The following CRMP1 variants were observed in gnomAD, a reference collection of about 807,000 sequenced individuals.
CRMP1 encodes the protein dihydropyrimidinase-related protein 1.
CRMP1 carries 19 observed loss-of-function variants against 68.3 expected under a neutral mutation model. The ratio of observed to expected loss-of-function variants is 0.28; its 90% CI spans 0.19 to 0.41. The LOEUF is 0.41. CRMP1 is among the 10% of genes least tolerant of loss of function. CRMP1 has a pLI of 1.00. For missense variants in CRMP1, 791 were observed against 967.4 expected, an observed-to-expected ratio of 0.82 and a Z score of 2.42; for synonymous variants, 439 against 399.6, an observed-to-expected ratio of 1.10 and a Z score of -1.18.
In CRMP1 at chr4:5,861,325, C is replaced by A; in HGVS notation, c.471-115G>T. ...TTTCTGAGCCAGGCCCTTCACAAGG[C>A]CCTGGGGAGACAGAGATAACTCAGG... is the stretch of plus-strand genomic sequence containing the variant. On this transcript the variant is annotated intron_variant, in intron 2 of 13. Transcript: ENST00000324989. The surrounding 1 kb of genome is among the most constrained non-coding windows in gnomAD (Gnocchi z 6.0). 2 of 1,039,680 alleles carry A rather than the reference C, an allele frequency of 1.9e-6. No individual in the cohort carries two copies. Among genetic ancestry groups the A allele is most frequent in the Non-Finnish European group, 2.8e-6 (2 of 710,780 alleles). 64.4% of individuals were successfully genotyped at this position (1,039,680 alleles called of 1,614,324 possible).
At chr4:5,845,595 C>T (rs13144083) in intron 6 of CRMP1, among the ~76,000 whole-genome samples, 55,578 of 152,106 alleles carry the variant, frequency 0.37, 11,741 homozygotes, top group East Asian at 0.7. Flanking sequence ...AGACCCTCAG[C>T]CAGAAATAGC....
At chr4:5,846,025 G>C (rs1712170205) in intron 6 of CRMP1, among the ~76,000 whole-genome samples, 1 of 152,180 alleles carries the variant, frequency 6.6e-6, no homozygotes, top group Admixed American at 6.5e-5. Context: ...GCTGGGCATG[G>C]TGGCTCACAC....
At chr4:5,851,589 G>A (rs1253852794) in intron 4 of CRMP1, 120 bp from the exon 5 acceptor site, 1 of 977,406 alleles carries the variant, frequency 1.0e-6, no homozygotes, top group Non-Finnish European at 1.6e-6. Context: ...GTGCCATTGG[G>A]ATCCCCAGTG....
At position 5,877,406 on chromosome 4, in the gene CRMP1, C is replaced by T. The variant is rs970552985; in HGVS notation, c.382-10650G>A. 2.0e-5 allele frequency among the ~76,000 whole-genome samples: 3 copies of T among 152,196 alleles called. No homozygotes were observed. Among genetic ancestry groups the T allele is most frequent in the Non-Finnish European group, 2.9e-5 (2 of 68,040 alleles). On this transcript the variant is annotated intron_variant, in intron 1 of 13. Transcript: ENST00000324989. The surrounding 1 kb of genome is among the most constrained non-coding windows in gnomAD (Gnocchi z 4.3). ...TCAAACTTCCATGACTTGGTCCCTA[C>T]CTTGAATAACCAGAGCCTTCCCCTT...
intron 6 of CRMP1, among the ~76,000 whole-genome samples, chr4:5,848,549 C>A (rs1347695692): frequency 1.3e-5 from 2 of 152,214 alleles, no homozygotes; most frequent in Admixed American, 1.3e-4. Flanking sequence ...AAAATATGTT[C>A]ATGTCTCATT....
At position 5,841,708 on chromosome 4, in the gene CRMP1, G is replaced by A. The variant is rs544034060; in HGVS notation, c.1033-280C>T. On this transcript the variant is annotated intron_variant, in intron 7 of 13. Coordinates refer to ENST00000324989, the MANE Select transcript of CRMP1 (RefSeq NM_001014809.3). The surrounding 1 kb of genome is among the most constrained non-coding windows in gnomAD (Gnocchi z 6.9). Reference sequence around the variant, plus strand: ...ACCATGGGCCAGGAACATACAGCTCGTGGCCATCCCTGGGCTGTGGAGCTC... The same window carrying A: ...ACCATGGGCCAGGAACATACAGCTCATGGCCATCCCTGGGCTGTGGAGCTC... Among the ~76,000 whole-genome samples the A allele has an allele frequency of 1.1e-4, 17 of 152,230 alleles. No individual in the cohort carries two copies. The highest frequency in any genetic ancestry group is 3.9e-4 in the Admixed American group (6 of 15,294).
Position 5,825,862 on chromosome 4 carries a change from TACAC to T in CRMP1, c.1804-207_1804-204del, listed in dbSNP as rs767943618. ...AGGCATTCATACACACAAGCATGCA[TACAC>T]ACACATCTACATACCCACATGCATA... On this transcript the variant is annotated intron_variant, in intron 12 of 13. Transcript: ENST00000324989. This position sits in a 1 kb window ranked among gnomAD's most constrained non-coding sequence, Gnocchi z 4.4. 7.2e-6 allele frequency: 4 copies of T among 552,748 alleles called. No individual in the cohort carries two copies. The highest frequency in any genetic ancestry group is 3.1e-5 in the East Asian group (1 of 31,782). 34.2% of individuals were successfully genotyped at this position (552,748 alleles called of 1,614,324 possible).
chr4:5,892,927 G>C lies in CRMP1; in HGVS notation c.43C>G (p.Pro15Ala). The C allele has an allele frequency of 7.6e-7, 1 of 1,308,466 alleles. No individual in the cohort carries two copies. Among genetic ancestry groups the C allele is most frequent in the Non-Finnish European group, 9.8e-7 (1 of 1,023,804 alleles). 81.1% of individuals were successfully genotyped at this position (1,308,466 alleles called of 1,614,324 possible). A position where few individuals can be genotyped will look rare whatever the true frequency, so the allele number is the denominator to read the frequency against. ...CTGCCCGGCCGCGCCAGGTACACGG[G>C]CAGGTCGTCCTCGGTGTTCCACGCG... Reference protein sequence around the residue: ...RRAWNTEDDLPVYLARPGSAA... With the variant: ...RRAWNTEDDLAVYLARPGSAA... The change falls in exon 1 of 14, where the codon CCC becomes GCC. Residue 15 changes from proline to alanine, a missense_variant. By Grantham distance (27) the Pro-to-Ala change is conservative. Around this residue, in one of 3 missense-constraint regions of CRMP1, gnomAD observed 193 missense variants for 186.3 expected, o/e 1.04. Coordinates refer to ENST00000324989, the MANE Select transcript of CRMP1 (RefSeq NM_001014809.3). This position sits in a 1 kb window ranked among gnomAD's most constrained non-coding sequence, Gnocchi z 8.6.
At chr4:5,886,434 G>A (rs1368574763) in intron 1 of CRMP1, among the ~76,000 whole-genome samples, 3 of 152,222 alleles carry the variant, frequency 2.0e-5, no homozygotes, top group African/African-American at 7.2e-5. Context: ...AGAGCACTGA[G>A]GTTCAGAGAG....
chr4:5,842,282 C>T lies in CRMP1; in HGVS notation c.1032+811G>A, dbSNP rs1185067527. On this transcript the variant is annotated intron_variant, in intron 7 of 13. Transcript: ENST00000324989. This position sits in a 1 kb window ranked among gnomAD's most constrained non-coding sequence, Gnocchi z 4.5. ...AAACAAAAAACACAAATTAGCCAGG[C>T]GTGGTGGCACAGGCCTGTGCCTAGT... is the stretch of plus-strand genomic sequence containing the variant. Among the ~76,000 whole-genome samples the T allele has an allele frequency of 1.3e-5, 2 of 150,982 alleles. No individual in the cohort carries two copies. Among genetic ancestry groups the T allele is most frequent in the Admixed American group, 1.3e-4 (2 of 15,202 alleles).
Position 5,889,825 on chromosome 4 carries a change from G to A in CRMP1, c.381+2764C>T. 6.7e-7 allele frequency: 1 copy of A among 1,489,890 alleles called. No homozygotes were observed. Among genetic ancestry groups the A allele is most frequent in the Non-Finnish European group, 8.9e-7 (1 of 1,121,970 alleles). The allele number at this position is 1,489,890 out of a possible 1,614,324, so 92.3% of individuals were successfully genotyped here. On this transcript the variant is annotated intron_variant, in intron 1 of 13. Coordinates refer to ENST00000324989, the MANE Select transcript of CRMP1 (RefSeq NM_001014809.3). This position sits in a 1 kb window ranked among gnomAD's most constrained non-coding sequence, Gnocchi z 4.5. ...GGGGCCAGTCCCCTAATCCAGGGCA[G>A]GAGGCCAGAGACACCTGGGCCTTAA...
intron 1 of CRMP1, among the ~76,000 whole-genome samples, chr4:5,885,752 G>A (rs1392643907): frequency 6.6e-6 from 1 of 152,166 alleles, no homozygotes; most frequent in Non-Finnish European, 1.5e-5. Flanking sequence ...GTCAGCCTTG[G>A]CTAAGCTCTA....
In CRMP1 at chr4:5,825,281, A is replaced by G; in HGVS notation, c.1969+213T>C. 5.1e-6 allele frequency: 5 copies of G among 985,278 alleles called. No individual in the cohort carries two copies. The highest frequency in any genetic ancestry group is 6.0e-6 in the Non-Finnish European group (5 of 829,918). The allele number at this position is 985,278 out of a possible 1,614,324, so 61.0% of individuals were successfully genotyped here. A position where few individuals can be genotyped will look rare whatever the true frequency, so the allele number is the denominator to read the frequency against. On this transcript the variant is annotated intron_variant, in intron 13 of 13. Coordinates refer to ENST00000324989, the MANE Select transcript of CRMP1 (RefSeq NM_001014809.3). This position sits in a 1 kb window ranked among gnomAD's most constrained non-coding sequence, Gnocchi z 4.4. ...TTGTAAACCCACATCAGGTACCACC[A>G]TGTTGCCCCCCTAACATGGACCCCC...
Position 5,861,329 on chromosome 4 carries a change from G to A in CRMP1, c.471-119C>T. On this transcript the variant is annotated intron_variant, in intron 2 of 13. Transcript: ENST00000324989. The surrounding 1 kb of genome is among the most constrained non-coding windows in gnomAD (Gnocchi z 6.0). Reference sequence around the variant, plus strand: ...TGAGCCAGGCCCTTCACAAGGCCCTGGGGAGACAGAGATAACTCAGGCAGG... The same window carrying A: ...TGAGCCAGGCCCTTCACAAGGCCCTAGGGAGACAGAGATAACTCAGGCAGG... 9.9e-7 allele frequency: 1 copy of A among 1,013,240 alleles called. No individual in the cohort carries two copies. The highest frequency in any genetic ancestry group is 2.2e-4 in the Middle Eastern group (1 of 4,636). 62.8% of individuals were successfully genotyped at this position (1,013,240 alleles called of 1,614,324 possible).
At chr4:5,880,512 T>A (rs774953887) in intron 1 of CRMP1, among the ~76,000 whole-genome samples, 1 of 152,172 alleles carries the variant, frequency 6.6e-6, no homozygotes, top group Non-Finnish European at 1.5e-5. Flanking sequence ...TGACTCCAAG[T>A]TCCAACACCA....
Position 5,890,006 on chromosome 4 carries a change from G to A in CRMP1, c.381+2583C>T. 1.1e-6 allele frequency: 1 copy of A among 950,682 alleles called. No homozygotes were observed. The highest frequency in any genetic ancestry group is 2.5e-5 in the South Asian group (1 of 39,240). 58.9% of individuals were successfully genotyped at this position (950,682 alleles called of 1,614,324 possible). ...CATATTAGCTGCAGCAAAGCAGCATGGAGATGCCAGGTTCCCCTACACTCT... is the reference window on the plus strand; with the variant it reads ...CATATTAGCTGCAGCAAAGCAGCATAGAGATGCCAGGTTCCCCTACACTCT... On this transcript the variant is annotated intron_variant, in intron 1 of 13. Coordinates refer to ENST00000324989, the MANE Select transcript of CRMP1 (RefSeq NM_001014809.3). The surrounding 1 kb of genome is among the most constrained non-coding windows in gnomAD (Gnocchi z 5.5).
At chr4:5,822,001 CTCCACAGAG>C in intron 13 of CRMP1, 150 bp from the exon 14 acceptor site, 1 of 622,788 alleles carries the variant, frequency 1.6e-6, no homozygotes, top group Non-Finnish European at 2.7e-6. Flanking sequence ...CCTCCCTGGC[CTCCACAGAG>C]TCCACTGCTC....
intron 1 of CRMP1, chr4:5,887,509 A>AGC: frequency 1.0e-6 from 1 of 984,700 alleles, no homozygotes; most frequent in Non-Finnish European, 1.2e-6. Flanking sequence ...CCCGAGACAA[A>AGC]GCGTAAAGAC....
At position 5,836,099 on chromosome 4, in the gene CRMP1, C is replaced by A. The variant is rs774802771; in HGVS notation, c.1453-14G>T. The A allele has an allele frequency of 2.0e-6, 3 of 1,470,330 alleles. No individual in the cohort carries two copies. Among genetic ancestry groups the A allele is most frequent in the Non-Finnish European group, 2.7e-6 (3 of 1,111,276 alleles). The allele number at this position is 1,470,330 out of a possible 1,614,324, so 91.1% of individuals were successfully genotyped here. A position where few individuals can be genotyped will look rare whatever the true frequency, so the allele number is the denominator to read the frequency against. ...TTTGCCAGTAGCCTACAGGCAAGAC[C>A]CACAGATGAGAAGAGCATCTCATAA... On this transcript the variant is annotated splice_polypyrimidine_tract_variant and intron_variant, in intron 10 of 13. Transcript: ENST00000324989.
Sources: gnomAD v4.1 joint callset for allele counts (sites outside exome capture counted in the v4.1 genomes callset) on GRCh38, gnomAD v4.1.1 for gene constraint, gnomAD v4.1.1 regional missense constraint, Gnocchi (gnomAD v3.1) non-coding constraint, MANE v1.5 for transcripts, NCBI Gene and HGNC (gene_info 2026-07-23, HGNC 2026-07-21) for gene names.